Variants in STX8 observed in about 807,000 individuals in gnomAD.
The protein encoded by STX8 is syntaxin-8.
A neutral mutation model predicts 37.5 loss-of-function variants in STX8; 23 were observed. That is an observed-to-expected ratio of 0.61 (90% CI 0.44 to 0.87). The LOEUF is 0.87. Among genes scored for constraint, STX8 ranks in the 40% least tolerant of loss-of-function variants. The probability of loss-of-function intolerance (pLI) is 0.00; values close to 1 mark genes in which losing one functional copy is unlikely to be tolerated. For missense variants in STX8, 313 were observed against 284.7 expected (o/e 1.10, Z -0.71); for synonymous variants, 115 against 99.1 (o/e 1.16, Z -0.95).
chr17:9,359,903 G>T (rs958364316), intron 7 of STX8, among the ~76,000 whole-genome samples: 1 of 152,044 alleles, frequency 6.6e-6, no homozygotes, highest in Non-Finnish European at 1.5e-5. Flanking sequence ...TTTCCAGGCA[G>T]ATAAGGGAGC....
At chr17:9,542,679 AAAATAAAT>A (rs375475612) in intron 4 of STX8, among the ~76,000 whole-genome samples, 284 of 151,170 alleles carry the variant, frequency 1.9e-3, no homozygotes, top group African/African-American at 5.6e-3. Context: ...TCCATCTCAA[AAAATAAAT>A]AAATAAATAA....
intron 4 of STX8, among the ~76,000 whole-genome samples, chr17:9,526,916 A>G (rs1161046724): frequency 6.6e-6 from 1 of 152,026 alleles, no homozygotes; most frequent in African/African-American, 2.4e-5. Context: ...CATAGTTCAC[A>G]CATCTGTAAT....
chr17:9,385,027 AAG>A (rs778675656), intron 6 of STX8, among the ~76,000 whole-genome samples: 10 of 152,086 alleles, frequency 6.6e-5, no homozygotes, highest in African/African-American at 1.2e-4. Context: ...AAAAAAAAAA[AAG>A]AGAGAAAATT....
intron 6 of STX8, among the ~76,000 whole-genome samples, chr17:9,413,472 G>A (rs1464692331): frequency 6.6e-6 from 1 of 152,176 alleles, no homozygotes. Flanking sequence ...CTCAAGACTT[G>A]TAGGTTATTT....
chr17:9,461,721 A>G (rs1044469415), intron 6 of STX8, among the ~76,000 whole-genome samples: 7 of 152,176 alleles, frequency 4.6e-5, no homozygotes, highest in Admixed American at 3.3e-4. Context: ...CAAGCATATT[A>G]CATTTATCGC....
At position 9,338,996 on chromosome 17, in the gene STX8, G is replaced by A. The variant is rs1027709436; in HGVS notation, c.643+39556C>T. On this transcript the variant is annotated intron_variant, in intron 7 of 7. Transcript: ENST00000306357. ...TGAGGCAGGAGAATGGCGTGAACCCGGGAAGCGGAGCTTGCAGTGAACAGA... is the reference window on the plus strand; with the variant it reads ...TGAGGCAGGAGAATGGCGTGAACCCAGGAAGCGGAGCTTGCAGTGAACAGA... Among the ~76,000 whole-genome samples, 9 of 151,044 alleles carry A rather than the reference G, an allele frequency of 6.0e-5. No individual in the cohort carries two copies. The East Asian group carries it at 1.8e-3, about 30-fold the overall frequency.
chr17:9,256,824 G>A (rs959329634), intron 7 of STX8, among the ~76,000 whole-genome samples: 1 of 152,220 alleles, frequency 6.6e-6, no homozygotes, highest in South Asian at 2.1e-4. Flanking sequence ...CGTGTGAAAA[G>A]CAGAACTTCC....
chr17:9,442,156 A>G (rs1314019747), intron 6 of STX8, among the ~76,000 whole-genome samples: 1 of 152,148 alleles, frequency 6.6e-6, no homozygotes, highest in Non-Finnish European at 1.5e-5. Flanking sequence ...TGTGTGCCCT[A>G]TGGCAGTCAA....
intron 6 of STX8, among the ~76,000 whole-genome samples, chr17:9,381,179 A>G (rs1911803225): frequency 6.6e-6 from 1 of 152,000 alleles, no homozygotes; most frequent in African/African-American, 2.4e-5. Flanking sequence ...TGAGAAAACT[A>G]CCTAACAACA....
intron 7 of STX8, among the ~76,000 whole-genome samples, chr17:9,251,170 A>ATT (rs1906561763): frequency 1.3e-5 from 2 of 152,150 alleles, no homozygotes; most frequent in African/African-American, 4.8e-5. Context: ...TTCTGCTAGT[A>ATT]TTTGCTAGTT....
At chr17:9,546,591 GTTTT>G (rs386385626) in intron 3 of STX8, among the ~76,000 whole-genome samples, 4 of 52,208 alleles carry the variant, frequency 7.7e-5, no homozygotes, top group Admixed American at 3.1e-4. Context: ...TACAAAAGTG[GTTTT>G]TTTTTTTTTT....
chr17:9,255,658 C>G lies in STX8; in HGVS notation c.644-5013G>C, dbSNP rs540718484. 3.3e-5 allele frequency among the ~76,000 whole-genome samples: 5 copies of G among 152,072 alleles called. No homozygotes were observed. In the East Asian group the frequency reaches 7.7e-4, roughly 23 times the overall value. Reference sequence around the variant, plus strand: ...GATGTGATAAACTGGGTTCTTGTCCCAAGATGAAAAGGAGGATTTTAGGAG... The same window carrying G: ...GATGTGATAAACTGGGTTCTTGTCCGAAGATGAAAAGGAGGATTTTAGGAG... On this transcript the variant is annotated intron_variant, in intron 7 of 7. Transcript: ENST00000306357.
chr17:9,370,304 T>C (rs1911363801), intron 7 of STX8, among the ~76,000 whole-genome samples: 1 of 152,212 alleles, frequency 6.6e-6, no homozygotes, highest in Non-Finnish European at 1.5e-5. Context: ...CACCTAACTG[T>C]TCTCACTTAG....
At chr17:9,574,024 A>T (rs1907793674) in intron 1 of STX8, among the ~76,000 whole-genome samples, 1 of 152,156 alleles carries the variant, frequency 6.6e-6, no homozygotes, top group African/African-American at 2.4e-5. Context: ...TAATCCCAGC[A>T]CTTTGGGAGG....
chr17:9,363,521 T>G (rs1911132471), intron 7 of STX8, among the ~76,000 whole-genome samples: 1 of 152,194 alleles, frequency 6.6e-6, no homozygotes, highest in African/African-American at 2.4e-5. Context: ...CCAGGACAAC[T>G]GACTGTACTT....
intron 6 of STX8, among the ~76,000 whole-genome samples, chr17:9,460,679 A>AAC (rs1194456264): frequency 1.4e-5 from 2 of 148,006 alleles, no homozygotes; most frequent in South Asian, 2.1e-4. Flanking sequence ...GTCTCAAAAA[A>AAC]AAAAAAAAAC....
At chr17:9,515,238 C>G (rs1416836844) in intron 4 of STX8, among the ~76,000 whole-genome samples, 1 of 152,066 alleles carries the variant, frequency 6.6e-6, no homozygotes, top group Non-Finnish European at 1.5e-5. Flanking sequence ...ACAGAAGGCA[C>G]TAAAAAATTT....
At chr17:9,346,274 G>A (rs1364124550) in intron 7 of STX8, among the ~76,000 whole-genome samples, 1 of 152,036 alleles carries the variant, frequency 6.6e-6, no homozygotes, top group Non-Finnish European at 1.5e-5. Flanking sequence ...ATCACTCTTG[G>A]CTCCTTTTCC....
intron 7 of STX8, among the ~76,000 whole-genome samples, chr17:9,284,150 A>C (rs1240521477): frequency 6.6e-6 from 1 of 152,216 alleles, no homozygotes; most frequent in Non-Finnish European, 1.5e-5. Context: ...GATTCCAGTT[A>C]ACTTAATTTT....
Sources: allele counts gnomAD v4.1 joint callset (sites outside exome capture counted in the v4.1 genomes callset), GRCh38; gene constraint gnomAD v4.1.1; transcripts MANE v1.5; gene names NCBI Gene and HGNC (gene_info 2026-07-23, HGNC 2026-07-21).